The following SEC24A variants were observed in gnomAD, a reference collection of about 807,000 sequenced individuals.
SEC24A encodes the protein SEC24 homolog A, COPII component, also known as protein transport protein Sec24A.
SEC24A carries 93 observed loss-of-function variants against 129.4 expected under a neutral mutation model. The ratio of observed to expected loss-of-function variants is 0.72; its 90% confidence interval spans 0.61 to 0.85. The LOEUF (loss-of-function observed/expected upper bound fraction) is 0.85. Among genes scored for constraint, SEC24A ranks in the 40% least tolerant of loss-of-function variants. The pLI is 0.00. For synonymous variants in SEC24A, 460 were observed against 467.3 expected (o/e 0.98, Z 0.20); for missense variants, 1,264 against 1,307.4 (o/e 0.97, Z 0.51).
intron 18 of SEC24A, among the ~76,000 whole-genome samples, chr5:134,710,551 C>G (rs892748656): frequency 6.6e-6 from 1 of 152,074 alleles, no homozygotes; most frequent in Non-Finnish European, 1.5e-5. Context: ...TCTTTAGATA[C>G]ACTTTCTTAT....
chr5:134,712,168 TGTC>T (rs929841396), intron 18 of SEC24A, among the ~76,000 whole-genome samples: 1 of 152,098 alleles, frequency 6.6e-6, no homozygotes, highest in African/African-American at 2.4e-5. Flanking sequence ...GGGATCTACT[TGTC>T]TGTTATGTGT....
rs1751878703 is a variant in SEC24A at position 134,697,981 on chromosome 5, A to G, written c.2190A>G (p.Lys730=). ...AGCACAACCCAGTCCAAGTACAGAA[A>G]TTACAGAAGGAACTACAGAGATACC... ...HHQHNPVQVQ[K]LQKELQRYLT... is the part of the protein sequence containing the mutation. The change falls in exon 15 of 23, where the codon AAA becomes AAG. Residue 730 remains lysine (K), a synonymous_variant. Coordinates refer to ENST00000398844, the MANE Select transcript of SEC24A (RefSeq NM_021982.3). The G allele has an allele frequency of 6.2e-7, 1 of 1,614,092 alleles. No homozygotes were observed. The highest frequency in any genetic ancestry group is 8.5e-7 in the Non-Finnish European group (1 of 1,179,976).
At chr5:134,657,293 C>T (rs913737357) in intron 1 of SEC24A, among the ~76,000 whole-genome samples, 5 of 151,908 alleles carry the variant, frequency 3.3e-5, no homozygotes, top group African/African-American at 9.7e-5. Flanking sequence ...AAGTGATCCT[C>T]CCACCTTGAC....
intron 1 of SEC24A, among the ~76,000 whole-genome samples, chr5:134,659,147 C>G (rs1393544653): frequency 6.6e-6 from 1 of 151,586 alleles, no homozygotes; most frequent in South Asian, 2.1e-4. Flanking sequence ...TGTTGGCTCA[C>G]TGCAAGCTCT....
At chr5:134,703,146 A>C (rs867867561) in intron 15 of SEC24A, among the ~76,000 whole-genome samples, 2 of 152,120 alleles carry the variant, frequency 1.3e-5, no homozygotes, top group Admixed American at 1.3e-4. Context: ...ATTTTTCTGC[A>C]TGTGTGAATT....
At chr5:134,715,241 T>G (rs761252311) in intron 19 of SEC24A, 80 bp downstream of exon 19, 1 of 1,214,304 alleles carries the variant, frequency 8.2e-7, no homozygotes, top group Non-Finnish European at 1.2e-6. Context: ...TGAGGAAGGG[T>G]TTGTTTATTA....
chr5:134,669,878 C>T (rs1307757330), intron 3 of SEC24A, among the ~76,000 whole-genome samples: 1 of 152,082 alleles, frequency 6.6e-6, no homozygotes, highest in Non-Finnish European at 1.5e-5. Context: ...TCTGGAACTA[C>T]AGGTGTGTAC....
At chr5:134,671,996 G>T in intron 4 of SEC24A, 110 bp downstream of exon 4, 1 of 689,404 alleles carries the variant, frequency 1.5e-6, no homozygotes, top group African/African-American at 1.8e-5. Flanking sequence ...TCATAATCAT[G>T]TAGCCATACA....
At chr5:134,661,751 A>G (rs893650597) in intron 2 of SEC24A, among the ~76,000 whole-genome samples, 165 bp downstream of exon 2, 6 of 152,050 alleles carry the variant, frequency 3.9e-5, no homozygotes, top group African/African-American at 1.4e-4. Flanking sequence ...AGCAAAAACC[A>G]GAAAGCCTGC....
chr5:134,709,018 C>CA, intron 18 of SEC24A, 130 bp downstream of exon 18: 1 of 824,734 alleles, frequency 1.2e-6, no homozygotes, highest in East Asian at 2.6e-5. Flanking sequence ...CCAGCCTGGG[C>CA]AATATGGTGA....
rs375478597 is a variant in SEC24A, at chr5:134,697,261, A to T, written c.2107+15A>T. 3.3e-5 allele frequency: 52 copies of T among 1,582,390 alleles called. No homozygotes were observed. Among genetic ancestry groups the T allele is most frequent in the Non-Finnish European group, 4.1e-5 (48 of 1,159,630 alleles). ...GGCTTCTCTGGGTAAGTTCTTCGTA[A>T]TGATTTTTTTTTTCCGTTAAATGAA... On this transcript the variant is annotated intron_variant, in intron 14 of 22. Coordinates refer to ENST00000398844, the MANE Select transcript of SEC24A (RefSeq NM_021982.3).
Position 134,701,390 on chromosome 5 carries a change from AG to A in SEC24A, c.2267-2366del, listed in dbSNP as rs754286764. 2.1e-4 allele frequency: 32 copies of A among 152,216 alleles called. 1 individual carries two copies. The highest frequency in any genetic ancestry group is 6.5e-5 in the Admixed American group (1 of 15,276). 9.4% of individuals were successfully genotyped at this position (152,216 alleles called of 1,614,324 possible). A position where few individuals can be genotyped will look rare whatever the true frequency, so the allele number is the denominator to read the frequency against. On this transcript the variant is annotated intron_variant, in intron 15 of 22. Transcript: ENST00000398844. ...TTCTGCAGATACCTGTTATAAATTA[AG>A]GGAAGTGTACATCCTAATGTGCTTT...
chr5:134,708,949 C>T (rs1457874927), intron 18 of SEC24A, 61 bp downstream of exon 18: 1 of 1,501,712 alleles, frequency 6.7e-7, no homozygotes, highest in Non-Finnish European at 9.1e-7. Flanking sequence ...CCTACACCTG[C>T]AATCCCAGCA....
intron 18 of SEC24A, among the ~76,000 whole-genome samples, chr5:134,713,326 C>A (rs1353610473): frequency 6.6e-6 from 1 of 152,098 alleles, no homozygotes; most frequent in Non-Finnish European, 1.5e-5. Context: ...ATTCTCTGAT[C>A]TTCCCGATTT....
chr5:134,714,960 T>A (rs1161496033), intron 18 of SEC24A, 64 bp from the exon 19 acceptor site: 3 of 1,481,872 alleles, frequency 2.0e-6, no homozygotes, highest in Non-Finnish European at 2.8e-6. Context: ...ACTGGCATTT[T>A]AAAAGTTCTG....
rs1271784241 is a variant in SEC24A at position 134,688,561 on chromosome 5, C to T, written c.1723+262C>T. On this transcript the variant is annotated intron_variant, in intron 11 of 22. Transcript: ENST00000398844. ...CAGATCAAATTTAGGCTTTTTTTCC[C>T]CCTTCTTCCCATTTATTCATTCAAA... Among the ~76,000 whole-genome samples the T allele has an allele frequency of 7.2e-5, 11 of 152,128 alleles. No individual in the cohort carries two copies. The East Asian group carries it at 1.2e-3, about 16-fold the overall frequency.
intron 20 of SEC24A, 101 bp from the exon 21 acceptor site, chr5:134,720,897 A>G (rs1344601420): frequency 1.5e-5 from 9 of 592,764 alleles, no homozygotes; most frequent in Non-Finnish European, 2.4e-5. Context: ...GTGAGACCCT[A>G]TCTCACAAAT....
intron 9 of SEC24A, among the ~76,000 whole-genome samples, chr5:134,684,302 C>CA (rs577777007): frequency 0.065 from 5,904 of 90,650 alleles, 405 homozygotes; most frequent in African/African-American, 0.18. Context: ...AACTCCATCT[C>CA]AAAAAAAAAA....
At chr5:134,713,475 T>A (rs1752389536) in intron 18 of SEC24A, among the ~76,000 whole-genome samples, 1 of 152,152 alleles carries the variant, frequency 6.6e-6, no homozygotes. Context: ...CTTAATAGGA[T>A]GTAAGCTCCA....
Sources: allele counts gnomAD v4.1 joint callset (sites outside exome capture counted in the v4.1 genomes callset), GRCh38; gene constraint gnomAD v4.1.1; transcripts MANE v1.5; gene names NCBI Gene and HGNC (gene_info 2026-07-23, HGNC 2026-07-21).